PGS1: variants seen among roughly 807,000 people sequenced by gnomAD.
PGS1 encodes the protein CDP-diacylglycerol--glycerol-3-phosphate 3-phosphatidyltransferase, mitochondrial.
In PGS1, 44 loss-of-function variants were observed where a neutral mutation model predicts 58.3. The ratio of observed to expected loss-of-function variants is 0.75; its 90% confidence interval spans 0.59 to 0.97. The LOEUF is 0.97. Ranked by LOEUF, PGS1 falls within the 50% of genes least tolerant of loss-of-function variation. PGS1 has a pLI of 0.00. For synonymous variants in PGS1, 330 were observed against 311.0 expected (o/e 1.06, Z -0.64); for missense variants, 684 against 731.1 (o/e 0.94, Z 0.74).
At chr17:78,379,846 C>G (rs1198237682) in intron 1 of PGS1, among the ~76,000 whole-genome samples, 1 of 151,336 alleles carries the variant, frequency 6.6e-6, no homozygotes, top group African/African-American at 2.4e-5. Flanking sequence ...AAAAAATTCT[C>G]TTGTGTGCAA....
At chr17:78,407,030 C>T (rs2084211888) in intron 7 of PGS1, among the ~76,000 whole-genome samples, 1 of 152,220 alleles carries the variant, frequency 6.6e-6, no homozygotes, top group Admixed American at 6.5e-5. Context: ...GACTGATGTG[C>T]TTCTGCCACT....
At chr17:78,422,838 G>GTAATCCT (rs2038994389) in intron 9 of PGS1, among the ~76,000 whole-genome samples, 1 of 152,182 alleles carries the variant, frequency 6.6e-6, no homozygotes, top group South Asian at 2.1e-4. Flanking sequence ...GTTGACACCT[G>GTAATCCT]TAATCCTGGC....
At chr17:78,401,928 A>G (rs2083701013) in intron 6 of PGS1, among the ~76,000 whole-genome samples, 1 of 152,198 alleles carries the variant, frequency 6.6e-6, no homozygotes, top group Non-Finnish European at 1.5e-5. Context: ...AGGCATGGAT[A>G]TGAGAGAAAA....
intron 1 of PGS1, chr17:78,382,735 C>CG (rs2082123189): frequency 6.6e-6 from 1 of 151,300 alleles, no homozygotes; most frequent in South Asian, 2.1e-4. Flanking sequence ...CTCCGCCTCC[C>CG]GGGTTCAAGC....
intron 1 of PGS1, among the ~76,000 whole-genome samples, chr17:78,387,861 G>A (rs2082525818): frequency 1.3e-5 from 2 of 152,136 alleles, no homozygotes; most frequent in African/African-American, 2.4e-5. Flanking sequence ...GCCTCCTAAA[G>A]CACTGGGATT....
rs1411622747 is a variant in PGS1 at position 78,415,167 on chromosome 17, G to A, written c.1551+140G>A. ...CAGAGCAGAGCAAGAAAGACTCTGGGTCTCCAAGAGTGCAGTGATGGGTGG... is the reference window on the plus strand; with the variant it reads ...CAGAGCAGAGCAAGAAAGACTCTGGATCTCCAAGAGTGCAGTGATGGGTGG... On this transcript the variant is annotated intron_variant, in intron 8 of 9. Transcript: ENST00000262764. 9 of 937,526 alleles carry A rather than the reference G, an allele frequency of 9.6e-6. No individual in the cohort carries two copies. The African/African-American group carries it at 9.8e-5, about 10-fold the overall frequency. 58.1% of individuals were successfully genotyped at this position (937,526 alleles called of 1,614,324 possible). A position where few individuals can be genotyped will look rare whatever the true frequency, so the allele number is the denominator to read the frequency against.
rs370773356 is a variant in PGS1, at chr17:78,386,134, T to G, written c.144-6342T>G. ...AAATCAGGTGACTGAACCTTTCTCC[T>G]GAGTCAGGCTTCCTGGGGTGGTGGC... On this transcript the variant is annotated intron_variant, in intron 1 of 9. Coordinates refer to ENST00000262764, the MANE Select transcript of PGS1 (RefSeq NM_024419.5). 1.4e-3 allele frequency among the ~76,000 whole-genome samples: 214 copies of G among 152,326 alleles called. 2 individuals are homozygous for G. Among genetic ancestry groups the G allele is most frequent in the African/African-American group, 4.8e-3 (198 of 41,574 alleles).
intron 1 of PGS1, among the ~76,000 whole-genome samples, chr17:78,388,954 A>G (rs1457514886): frequency 3.3e-5 from 5 of 149,888 alleles, no homozygotes; most frequent in Non-Finnish European, 7.4e-5. Flanking sequence ...ATGGTATGTC[A>G]TATGTGCTTA....
intron 5 of PGS1, 88 bp downstream of exon 5, chr17:78,399,625 C>A (rs1042259359): frequency 7.3e-7 from 1 of 1,368,006 alleles, no homozygotes; most frequent in African/African-American, 1.4e-5. Context: ...ACCCGTTCCC[C>A]TCAGTCTTGG....
chr17:78,408,873 C>T (rs777733039), intron 7 of PGS1, among the ~76,000 whole-genome samples: 4 of 152,168 alleles, frequency 2.6e-5, no homozygotes, highest in Non-Finnish European at 5.9e-5. Context: ...AATTTGGACT[C>T]TTAACGGGAA....
At chr17:78,396,204 A>T in intron 2 of PGS1, 104 bp from the exon 3 acceptor site, 1 of 799,152 alleles carries the variant, frequency 1.3e-6, no homozygotes, top group Non-Finnish European at 2.2e-6. Flanking sequence ...GACATAGGAT[A>T]GTTCAGCTTG....
At chr17:78,413,941 C>G (rs1463282647) in intron 7 of PGS1, among the ~76,000 whole-genome samples, 1 of 152,236 alleles carries the variant, frequency 6.6e-6, no homozygotes, top group Admixed American at 6.5e-5. Flanking sequence ...CACCCCGTGC[C>G]CTGCTTTTTC....
At chr17:78,414,818 G>C in intron 7 of PGS1, 61 bp from the exon 8 acceptor site, 1 of 1,585,412 alleles carries the variant, frequency 6.3e-7, no homozygotes, top group East Asian at 2.3e-5. Context: ...AGCAGCGTGT[G>C]GAGAGGACTT....
At chr17:78,387,993 T>C (rs1452390493) in intron 1 of PGS1, among the ~76,000 whole-genome samples, 1 of 152,226 alleles carries the variant, frequency 6.6e-6, no homozygotes, top group African/African-American at 2.4e-5. Flanking sequence ...TCCTTTTTTA[T>C]GCACCTTCCT....
At chr17:78,385,112 G>A (rs990446696) in intron 1 of PGS1, among the ~76,000 whole-genome samples, 2 of 152,126 alleles carry the variant, frequency 1.3e-5, no homozygotes, top group South Asian at 2.1e-4. Flanking sequence ...GTTTTCCCCA[G>A]GTTTCTTTCT....
intron 8 of PGS1, 144 bp from the exon 9 acceptor site, chr17:78,419,402 G>A: frequency 1.4e-6 from 1 of 704,458 alleles, no homozygotes; most frequent in South Asian, 1.6e-5. Flanking sequence ...TGCCACCAGA[G>A]CACCCTGGGA....
chr17:78,404,154 G>A (rs963772332), intron 7 of PGS1, 65 bp downstream of exon 7: 2 of 1,443,094 alleles, frequency 1.4e-6, no homozygotes, highest in Non-Finnish European at 1.8e-6. Context: ...CAGGGGGTGG[G>A]GAGCCCTGGC....
rs1226817802 is a variant in PGS1 at position 78,400,703 on chromosome 17, C to T, written c.728C>T (p.Thr243Ile). The T allele has an allele frequency of 5.0e-6, 8 of 1,613,842 alleles. No individual in the cohort carries two copies. The highest frequency in any genetic ancestry group is 1.3e-5 in the African/African-American group (1 of 74,898). ...SGANLSDSYF[T>I]NRQDRYVFLQ... ...GCAAACCTGAGTGACTCCTACTTCACCAACCGCCAGGACCGCTACGTGTTC... is the reference window on the plus strand; with the variant it reads ...GCAAACCTGAGTGACTCCTACTTCATCAACCGCCAGGACCGCTACGTGTTC... Residue 243 changes from threonine (T) to isoleucine (I), a missense_variant, in exon 6 of 10, where the codon ACC becomes ATC. Physicochemically the swap from Thr to Ile is moderately conservative, Grantham distance 89 (BLOSUM62 -1). Transcript: ENST00000262764. This position sits in a 1 kb window ranked among gnomAD's most constrained non-coding sequence, Gnocchi z 4.4.
intron 6 of PGS1, 144 bp from the exon 7 acceptor site, chr17:78,403,424 G>A: frequency 1.1e-6 from 1 of 903,578 alleles, no homozygotes; most frequent in Admixed American, 2.3e-5. Flanking sequence ...CTGGGCTTGG[G>A]GTCCTGGGCC....
Sources: allele counts gnomAD v4.1 joint callset (sites outside exome capture counted in the v4.1 genomes callset), GRCh38; gene constraint gnomAD v4.1.1; non-coding constraint Gnocchi (gnomAD v3.1); transcripts MANE v1.5; gene names NCBI Gene and HGNC (gene_info 2026-07-23, HGNC 2026-07-21).